Variants in GLYR1 observed in about 807,000 individuals in gnomAD.
GLYR1 encodes glyoxylate reductase 1 homolog.
GLYR1 carries 21 observed loss-of-function variants against 72.7 expected under a neutral mutation model. The observed-to-expected ratio is 0.29, with a 90% CI of 0.20 to 0.42. The LOEUF (loss-of-function observed/expected upper bound fraction) is 0.42. Ranked by LOEUF, GLYR1 falls within the 10% of genes least tolerant of loss-of-function variation. The pLI, the probability that GLYR1 is intolerant of heterozygous loss-of-function variation, is 1.00. For synonymous variants in GLYR1, 392 were observed against 270.2 expected, an observed-to-expected ratio of 1.45 and a Z score of -4.42; for missense variants, 594 against 712.1, an observed-to-expected ratio of 0.83 and a Z score of 1.89.
At chr16:4,822,618 T>C (rs1368562086) in intron 7 of GLYR1, among the ~76,000 whole-genome samples, 2 of 152,170 alleles carry the variant, frequency 1.3e-5, no homozygotes, top group Non-Finnish European at 2.9e-5. Context: ...CTTGAATCCC[T>C]AACCTCATGA....
intron 3 of GLYR1, among the ~76,000 whole-genome samples, chr16:4,836,684 G>A (rs572699400): frequency 3.9e-5 from 6 of 152,244 alleles, no homozygotes; most frequent in South Asian, 2.1e-4. Context: ...GACTGACCAC[G>A]CACTGATATC....
chr16:4,837,886 G>A (rs1375542216), intron 3 of GLYR1, among the ~76,000 whole-genome samples: 1 of 151,732 alleles, frequency 6.6e-6, no homozygotes, highest in South Asian at 2.1e-4. Context: ...AGCCAAGATC[G>A]TGCCACTGCA....
intron 3 of GLYR1, among the ~76,000 whole-genome samples, chr16:4,840,579 T>C (rs2085477148): frequency 6.6e-6 from 1 of 152,056 alleles, no homozygotes; most frequent in Non-Finnish European, 1.5e-5. Flanking sequence ...AGAGTCTCCA[T>C]CTCTCTCAGT....
intron 2 of GLYR1, 86 bp downstream of exon 2, chr16:4,846,088 A>G: frequency 7.0e-7 from 1 of 1,432,124 alleles, no homozygotes; most frequent in Non-Finnish European, 9.9e-7. Context: ...TTAACTCAAT[A>G]CTAGAAACTG....
intron 13 of GLYR1, 115 bp from the exon 14 acceptor site, chr16:4,811,917 GC>G: frequency 7.1e-7 from 1 of 1,413,452 alleles, no homozygotes; most frequent in Non-Finnish European, 9.5e-7. Flanking sequence ...CCCTTCACCT[GC>G]CCCCGACAGA....
chr16:4,821,672 G>A lies in GLYR1; in HGVS notation c.682-75C>T, dbSNP rs182481694. 30 of 1,380,340 alleles carry A rather than the reference G, an allele frequency of 2.2e-5. No homozygotes were observed. The East Asian group carries it at 6.4e-4, about 29-fold the overall frequency. The allele number at this position is 1,380,340 out of a possible 1,614,324, so 85.5% of individuals were successfully genotyped here. A position where few individuals can be genotyped will look rare whatever the true frequency, so the allele number is the denominator to read the frequency against. On this transcript the variant is annotated intron_variant, in intron 7 of 15. Coordinates refer to ENST00000321919, the MANE Select transcript of GLYR1 (RefSeq NM_032569.4). Reference sequence around the variant, plus strand: ...AGTCTTCATAATAATCCCCTCAAAGGTTAGACCCAAAGTGGGAAGTTAACA... The same window carrying A: ...AGTCTTCATAATAATCCCCTCAAAGATTAGACCCAAAGTGGGAAGTTAACA...
chr16:4,810,409 C>A lies in GLYR1; in HGVS notation c.1587+761G>T, dbSNP rs114552599. ...GCTACTTGGGAGGCTACTTGGGAGG[C>A]AGAGGCACAAAAATCTATTGAACCC... On this transcript the variant is annotated intron_variant, in intron 15 of 15. Coordinates refer to ENST00000321919, the MANE Select transcript of GLYR1 (RefSeq NM_032569.4). 3.6e-3 allele frequency among the ~76,000 whole-genome samples: 548 copies of A among 151,702 alleles called. 5 individuals carry two copies. The highest frequency in any genetic ancestry group is 0.012 in the African/African-American group (515 of 41,356).
At position 4,814,475 on chromosome 16, in the gene GLYR1, G is replaced by A. The variant is rs574854443; in HGVS notation, c.1017+62C>T. On this transcript the variant is annotated intron_variant, in intron 11 of 15. Transcript: ENST00000321919. ...CTTGGTGTGCAGGGGAGGAGGGGAA[G>A]AGGCCAGCCAGCAATCCTGGCTGTG... is the stretch of plus-strand genomic sequence containing the variant. The A allele has an allele frequency of 6.3e-6, 8 of 1,276,204 alleles. No individual in the cohort carries two copies. In the African/African-American group the frequency reaches 8.7e-5, roughly 14 times the overall value. 79.1% of individuals were successfully genotyped at this position (1,276,204 alleles called of 1,614,324 possible).
intron 9 of GLYR1, among the ~76,000 whole-genome samples, chr16:4,820,194 G>T (rs569057911): frequency 4.6e-5 from 7 of 152,136 alleles, no homozygotes; most frequent in Non-Finnish European, 7.3e-5. Flanking sequence ...TCACCATGTT[G>T]GCCAGGCTGG....
intron 15 of GLYR1, among the ~76,000 whole-genome samples, chr16:4,807,692 T>C (rs1190919514): frequency 6.6e-6 from 1 of 152,142 alleles, no homozygotes; most frequent in Non-Finnish European, 1.5e-5. Context: ...GTAGTCAGGG[T>C]GGAGGCAACT....
intron 5 of GLYR1, among the ~76,000 whole-genome samples, chr16:4,828,285 G>A (rs941785478): frequency 1.7e-4 from 26 of 151,898 alleles, no homozygotes; most frequent in Admixed American, 6.6e-4. Context: ...TAGCCAGGAT[G>A]GTCTCCATCT....
chr16:4,832,596 T>C (rs2084870202), intron 4 of GLYR1, 178 bp downstream of exon 4: 1 of 743,774 alleles, frequency 1.3e-6, no homozygotes, highest in Admixed American at 3.1e-5. Flanking sequence ...CCAGAAAGGT[T>C]AGCTGCATGG....
At chr16:4,840,065 C>T (rs12444795) in intron 3 of GLYR1, 19,520 of 152,210 alleles carry the variant, frequency 0.13, 1,415 homozygotes, top group South Asian at 0.25. Context: ...TCTACAGGAG[C>T]CACTTATGGC....
intron 10 of GLYR1, among the ~76,000 whole-genome samples, chr16:4,816,313 A>G (rs1020767363): frequency 2.0e-5 from 3 of 151,856 alleles, no homozygotes; most frequent in African/African-American, 7.3e-5. Flanking sequence ...CACTCAGCTA[A>G]TATTTTATTT....
rs192353364 is a variant in GLYR1 at position 4,836,851 on chromosome 16, G to C, written c.156-3939C>G. Among the ~76,000 whole-genome samples the C allele has an allele frequency of 9.6e-4, 146 of 151,912 alleles. 1 individual carries two copies. The highest frequency in any genetic ancestry group is 3.1e-3 in the African/African-American group (127 of 41,388). On this transcript the variant is annotated intron_variant, in intron 3 of 15. Transcript: ENST00000321919. ...AAAACAAAACAAATCAATACTAAAG[G>C]CCTCTGCCCTAGAACACAGGCTATG...
chr16:4,837,531 T>G (rs12444590), intron 3 of GLYR1, among the ~76,000 whole-genome samples: 14,951 of 151,702 alleles, frequency 0.099, 960 homozygotes, highest in Admixed American at 0.18. Flanking sequence ...AGCCTTCACA[T>G]AGACAGGTGA....
Position 4,831,803 on chromosome 16 carries a change from T to C in GLYR1, c.537+176A>G, listed in dbSNP as rs541724877. Among the ~76,000 whole-genome samples the C allele has an allele frequency of 2.6e-5, 4 of 152,360 alleles. No homozygotes were observed. The South Asian group carries it at 8.3e-4, about 32-fold the overall frequency. On this transcript the variant is annotated intron_variant, in intron 5 of 15. Coordinates refer to ENST00000321919, the MANE Select transcript of GLYR1 (RefSeq NM_032569.4). ...TTCCTGACTCAGCCTCCTGAGTTGCTGGGATAAAGCATGAGCCACCGCACC... is the reference window on the plus strand; with the variant it reads ...TTCCTGACTCAGCCTCCTGAGTTGCCGGGATAAAGCATGAGCCACCGCACC...
At chr16:4,847,068 C>T in intron 1 of GLYR1, 160 bp downstream of exon 1, 3 of 680,984 alleles carry the variant, frequency 4.4e-6, no homozygotes, top group South Asian at 3.5e-5. Flanking sequence ...ACTGGACTGC[C>T]CCTTCCGCCT....
At chr16:4,810,837 G>A (rs1211460700) in intron 15 of GLYR1, among the ~76,000 whole-genome samples, 12 of 151,682 alleles carry the variant, frequency 7.9e-5, no homozygotes, top group Admixed American at 7.9e-4. Flanking sequence ...GGGCGTGGTA[G>A]CTCATGCCTG....
Sources: gnomAD v4.1 joint callset for allele counts (sites outside exome capture counted in the v4.1 genomes callset) on GRCh38, gnomAD v4.1.1 for gene constraint, MANE v1.5 for transcripts, NCBI Gene and HGNC (gene_info 2026-07-23, HGNC 2026-07-21) for gene names.